DOCK3: variants seen among roughly 807,000 people sequenced by gnomAD.
The protein encoded by DOCK3 is dedicator of cytokinesis 3.
A neutral mutation model predicts 265.6 loss-of-function variants in DOCK3; 60 were observed. The observed-to-expected ratio is 0.23, with a 90% CI of 0.18 to 0.28. The LOEUF is 0.28. Among genes scored for constraint, DOCK3 ranks in the 10% least tolerant of loss-of-function variants. The pLI is 1.00. For missense variants in DOCK3, 1,981 were observed against 2,594.3 expected (o/e 0.76, Z 5.14); for synonymous variants, 881 against 938.0 (o/e 0.94, Z 1.11).
At chr3:51,074,966 T>G (rs1276553615) in intron 6 of DOCK3, among the ~76,000 whole-genome samples, 1 of 152,214 alleles carries the variant, frequency 6.6e-6, no homozygotes, top group Non-Finnish European at 1.5e-5. Context: ...CCTGAAGATT[T>G]TTTTCATCCT....
intron 3 of DOCK3, chr3:50,880,559 C>T: frequency 5.3e-6 from 1 of 188,968 alleles, no homozygotes; most frequent in Non-Finnish European, 1.1e-5. Flanking sequence ...TATATACACC[C>T]TCCCAGGACT....
At chr3:51,174,326 A>C (rs541970096) in intron 12 of DOCK3, among the ~76,000 whole-genome samples, 2 of 152,120 alleles carry the variant, frequency 1.3e-5, no homozygotes, top group South Asian at 4.1e-4. Flanking sequence ...AAAATTAGCC[A>C]GGTGTGGTGG....
At chr3:50,881,564 T>C (rs577481145) in intron 3 of DOCK3, among the ~76,000 whole-genome samples, 1 of 152,266 alleles carries the variant, frequency 6.6e-6, no homozygotes, top group Admixed American at 6.5e-5. Context: ...ACAAGGGATG[T>C]GAAGGACCTC....
intron 9 of DOCK3, among the ~76,000 whole-genome samples, chr3:51,110,318 C>G (rs548944163): frequency 6.6e-6 from 1 of 152,252 alleles, no homozygotes; most frequent in South Asian, 2.1e-4. Flanking sequence ...CCAACTCATT[C>G]TATGAGGTCA....
intron 5 of DOCK3, among the ~76,000 whole-genome samples, chr3:50,980,966 C>G (rs1286015809): frequency 6.6e-6 from 1 of 152,000 alleles, no homozygotes; most frequent in Non-Finnish European, 1.5e-5. Flanking sequence ...GCCCTGCTCT[C>G]ATTTTTATTA....
At chr3:51,125,782 A>ACAAAACTTGT (rs1322475151) in intron 9 of DOCK3, among the ~76,000 whole-genome samples, 1 of 152,222 alleles carries the variant, frequency 6.6e-6, no homozygotes, top group Non-Finnish European at 1.5e-5. Context: ...TGAGTAAAGG[A>ACAAAACTTGT]ATGAAGTTAA....
intron 9 of DOCK3, among the ~76,000 whole-genome samples, chr3:51,106,768 A>G (rs2083296897): frequency 6.6e-6 from 1 of 152,086 alleles, no homozygotes; most frequent in Non-Finnish European, 1.5e-5. Flanking sequence ...GAGCATAGTC[A>G]CTAATAGGAG....
At chr3:50,904,604 G>A (rs148727883) in intron 4 of DOCK3, among the ~76,000 whole-genome samples, 73 of 152,262 alleles carry the variant, frequency 4.8e-4, no homozygotes, top group African/African-American at 1.7e-3. Flanking sequence ...ACTTTGTGAT[G>A]GGGTGGTTTT....
intron 12 of DOCK3, among the ~76,000 whole-genome samples, chr3:51,171,684 C>G (rs1329020274): frequency 6.6e-6 from 1 of 150,694 alleles, no homozygotes; most frequent in Non-Finnish European, 1.5e-5. Context: ...CCACTGCACT[C>G]CAGCCTGGGC....
intron 30 of DOCK3, 90 bp from the exon 31 acceptor site, chr3:51,312,754 C>T (rs1273074632): frequency 1.3e-5 from 18 of 1,385,978 alleles, no homozygotes; most frequent in Non-Finnish European, 1.8e-5. Context: ...TAGAAACAAA[C>T]AGTGCTGAAG....
At chr3:51,287,721 A>T (rs1351821824) in intron 27 of DOCK3, among the ~76,000 whole-genome samples, 1 of 152,220 alleles carries the variant, frequency 6.6e-6, no homozygotes, top group Non-Finnish European at 1.5e-5. Flanking sequence ...TATGGAAAGC[A>T]GTTCTGTGAT....
intron 1 of DOCK3, among the ~76,000 whole-genome samples, chr3:50,757,147 C>T (rs2040206029): frequency 1.3e-5 from 2 of 150,282 alleles, no homozygotes; most frequent in Admixed American, 6.7e-5. Context: ...GCCACTGTGC[C>T]CAGTCAGATT....
chr3:51,275,346 T>C, intron 25 of DOCK3, 140 bp downstream of exon 25: 1 of 1,301,662 alleles, frequency 7.7e-7, no homozygotes. Flanking sequence ...GGTGCCCAAG[T>C]GAATGGAGCC....
At chr3:51,187,173 C>G (rs1256511554) in intron 12 of DOCK3, among the ~76,000 whole-genome samples, 1 of 152,176 alleles carries the variant, frequency 6.6e-6, no homozygotes, top group African/African-American at 2.4e-5. Context: ...TGGAGCTGCC[C>G]AAGACTATGG....
At chr3:51,176,152 G>A (rs2086938446) in intron 12 of DOCK3, among the ~76,000 whole-genome samples, 1 of 152,200 alleles carries the variant, frequency 6.6e-6, no homozygotes, top group South Asian at 2.1e-4. Context: ...TGAGTTCAGG[G>A]TGACTCTTGT....
At chr3:51,248,459 T>C (rs926936358) in intron 22 of DOCK3, among the ~76,000 whole-genome samples, 5 of 152,180 alleles carry the variant, frequency 3.3e-5, no homozygotes, top group Non-Finnish European at 5.9e-5. Context: ...CCTCCTGAGG[T>C]GCTGGGATTG....
At chr3:50,878,330 C>G (rs1231296922) in intron 3 of DOCK3, among the ~76,000 whole-genome samples, 1 of 152,154 alleles carries the variant, frequency 6.6e-6, no homozygotes, top group African/African-American at 2.4e-5. Flanking sequence ...ACAAACTTCT[C>G]CGAGCTAAAG....
intron 32 of DOCK3, among the ~76,000 whole-genome samples, chr3:51,326,874 C>T (rs2084164322): frequency 1.3e-5 from 2 of 152,110 alleles, no homozygotes; most frequent in East Asian, 1.9e-4. Context: ...ATCCACCTGC[C>T]TCCATCTCCC....
At chr3:50,960,139 T>C (rs573030677) in intron 5 of DOCK3, among the ~76,000 whole-genome samples, 13 of 152,368 alleles carry the variant, frequency 8.5e-5, no homozygotes, top group African/African-American at 3.1e-4. Context: ...TTGGTTATTA[T>C]GAATAATACT....
Sources: allele counts gnomAD v4.1 joint callset (sites outside exome capture counted in the v4.1 genomes callset), GRCh38; gene constraint gnomAD v4.1.1; transcripts MANE v1.5; gene names NCBI Gene and HGNC (gene_info 2026-07-23, HGNC 2026-07-21).